MS4A5: variants seen among roughly 807,000 people sequenced by gnomAD.
MS4A5 encodes membrane spanning 4-domains A5.
MS4A5 carries 15 observed loss-of-function variants against 18.2 expected under a neutral mutation model. That is an observed-to-expected ratio of 0.83 (90% CI 0.55 to 1.27). The LOEUF is 1.27. MS4A5 is among the 50% of genes most tolerant of loss of function. MS4A5 has a pLI of 0.00. For missense variants in MS4A5, 232 were observed against 225.7 expected, an observed-to-expected ratio of 1.03 and a Z score of -0.18; for synonymous variants, 89 against 78.7, an observed-to-expected ratio of 1.13 and a Z score of -0.69.
rs528793565 is a variant in MS4A5, at chr11:60,429,609, A to G, written c.-66A>G. On this transcript the variant is annotated 5_prime_UTR_variant, in exon 1 of 5. Coordinates refer to ENST00000300190, the MANE Select transcript of MS4A5 (RefSeq NM_023945.3). ...TGCTCCAGGCAGCCTCAGCACAAGA[A>G]AAGAACATGGTCTAGACTGAAGTAC... 1.3e-6 allele frequency: 2 copies of G among 1,493,868 alleles called. No individual in the cohort carries two copies. Among genetic ancestry groups the G allele is most frequent in the Admixed American group, 2.2e-5 (1 of 45,954 alleles). The allele number at this position is 1,493,868 out of a possible 1,614,324, so 92.5% of individuals were successfully genotyped here.
At chr11:60,446,626 G>A (rs751805780) in intron 4 of MS4A5, among the ~76,000 whole-genome samples, 3 of 151,934 alleles carry the variant, frequency 2.0e-5, no homozygotes, top group East Asian at 3.9e-4. Context: ...CCAGCTACTC[G>A]GGAGGCTGAG....
intron 2 of MS4A5, 41 bp from the exon 3 acceptor site, chr11:60,432,370 C>T: frequency 1.5e-6 from 2 of 1,350,640 alleles, no homozygotes; most frequent in Non-Finnish European, 2.1e-6. Flanking sequence ...TCAACATCAG[C>T]TAAACATGGT....
chr11:60,435,295 C>A (rs148736219), intron 4 of MS4A5: 5 of 413,766 alleles, frequency 1.2e-5, no homozygotes, highest in East Asian at 1.5e-4. Flanking sequence ...TAAGACAATG[C>A]GAATAACAAC....
At chr11:60,434,362 T>G (rs768472433) in intron 4 of MS4A5, among the ~76,000 whole-genome samples, 1 of 152,076 alleles carries the variant, frequency 6.6e-6, no homozygotes, top group African/African-American at 2.4e-5. Context: ...CTAAGATTAG[T>G]GTAAAAGAAT....
chr11:60,441,798 C>G (rs748894051), intron 4 of MS4A5, among the ~76,000 whole-genome samples: 1 of 151,550 alleles, frequency 6.6e-6, no homozygotes, highest in African/African-American at 2.4e-5. Context: ...GTTTAAAAAA[C>G]AAAACACAAC....
At chr11:60,435,133 G>A (rs2086071502) in intron 4 of MS4A5, among the ~76,000 whole-genome samples, 1 of 152,172 alleles carries the variant, frequency 6.6e-6, no homozygotes, top group Non-Finnish European at 1.5e-5. Context: ...TGTTTTACCT[G>A]AATTTGGTCT....
intron 4 of MS4A5, among the ~76,000 whole-genome samples, chr11:60,443,254 C>A (rs966063942): frequency 6.6e-6 from 1 of 151,978 alleles, no homozygotes; most frequent in South Asian, 2.1e-4. Context: ...AGCCTACAAG[C>A]CTCAACAAAA....
intron 4 of MS4A5, among the ~76,000 whole-genome samples, chr11:60,434,356 G>C (rs965485522): frequency 6.6e-6 from 1 of 152,140 alleles, no homozygotes; most frequent in Non-Finnish European, 1.5e-5. Flanking sequence ...ATACCACTAA[G>C]ATTAGTGTAA....
intron 2 of MS4A5, 121 bp downstream of exon 2, chr11:60,431,045 C>A (rs940839136): frequency 2.8e-6 from 3 of 1,068,062 alleles, no homozygotes; most frequent in Non-Finnish European, 1.3e-6. Context: ...AAAAAACTAA[C>A]CTTGTTGAAA....
chr11:60,443,189 CTG>C (rs1399444423), intron 4 of MS4A5, among the ~76,000 whole-genome samples: 1 of 152,080 alleles, frequency 6.6e-6, no homozygotes, highest in Non-Finnish European at 1.5e-5. Flanking sequence ...ATAAAAACAA[CTG>C]AAAAAATTGA....
rs919000128 is a variant in MS4A5, at chr11:60,435,746, C to T, written c.492+1829C>T. On this transcript the variant is annotated intron_variant, in intron 4 of 4. Transcript: ENST00000300190. ...GACGGGCTTAAAAAACGGCGCACCA[C>T]GAGATTATATCCCGCACCTGGCTCG... 5.2e-3 allele frequency among the ~76,000 whole-genome samples: 796 copies of T among 152,216 alleles called. 7 individuals are homozygous for T. The highest frequency in any genetic ancestry group is 0.018 in the African/African-American group (765 of 41,546).
In MS4A5 at chr11:60,437,010, G is replaced by T. The variant is rs2086084082; in HGVS notation, c.492+3093G>T. Among the ~76,000 whole-genome samples, 2 of 135,698 alleles carry T rather than the reference G, an allele frequency of 1.5e-5. 1 individual carries two copies. The highest frequency in any genetic ancestry group is 5.2e-5 in the African/African-American group (2 of 38,628). The allele number at this position is 135,698 out of a possible 152,430, so 89.0% of individuals were successfully genotyped here. A position where few individuals can be genotyped will look rare whatever the true frequency, so the allele number is the denominator to read the frequency against. On this transcript the variant is annotated intron_variant, in intron 4 of 4. Transcript: ENST00000300190. ...TGGAAATGAAGGAAAAAATGTTAAG[G>T]GCAGCCAGAGAGAAAGGTTGGGTAA...
intron 4 of MS4A5, among the ~76,000 whole-genome samples, chr11:60,444,082 G>C (rs1024987561): frequency 6.6e-6 from 1 of 152,158 alleles, no homozygotes; most frequent in South Asian, 2.1e-4. Flanking sequence ...AATACTTTCA[G>C]TTCACTTCCC....
intron 4 of MS4A5, among the ~76,000 whole-genome samples, chr11:60,447,442 A>C (rs376990875): frequency 1.3e-5 from 2 of 152,318 alleles, no homozygotes; most frequent in South Asian, 2.1e-4. Context: ...ATGCTATGCT[A>C]TCCTATTCTA....
At chr11:60,434,054 A>G (rs17542525) in intron 4 of MS4A5, 137 bp downstream of exon 4, 53,824 of 789,220 alleles carry the variant, frequency 0.068, 2,347 homozygotes, top group South Asian at 0.15. Flanking sequence ...GAAATCCATA[A>G]TATTTGATAG....
At chr11:60,432,094 C>A (rs2086051323) in intron 2 of MS4A5, among the ~76,000 whole-genome samples, 2 of 152,092 alleles carry the variant, frequency 1.3e-5, no homozygotes, top group South Asian at 2.1e-4. Flanking sequence ...GACTTGAAAT[C>A]CCTTTGTCAT....
chr11:60,430,831 T>C lies in MS4A5; in HGVS notation c.189T>C (p.Ser63=). 1 of 1,613,496 alleles carries C rather than the reference T, an allele frequency of 6.2e-7. No individual in the cohort carries two copies. The highest frequency in any genetic ancestry group is 1.3e-5 in the African/African-American group (1 of 75,012). ...IQILFGIMTF[S]FGVIFLFTLL... is the part of the protein sequence containing the mutation. ...TCCTGTTTGGAATTATGACCTTTTC[T>C]TTTGGAGTTATCTTCCTTTTCACCT... The change falls in exon 2 of 5, where the codon TCT becomes TCC. Residue 63 remains serine, a synonymous_variant. Transcript: ENST00000300190.
chr11:60,447,701 T>C lies in MS4A5; in HGVS notation c.545T>C (p.Leu182Pro), dbSNP rs1377356861. The change falls in exon 5 of 5, where the codon CTG becomes CCG. Residue 182 changes from leucine (L) to proline (P), a missense_variant. Physicochemically the swap from Leu to Pro is moderately conservative, Grantham distance 98. Coordinates refer to ENST00000300190, the MANE Select transcript of MS4A5 (RefSeq NM_023945.3). ...AGCATTATTGAATTATTCATTTCTC[T>C]GCCTTTCTCAATTTTGGGGTGCCAC... ...TFSIIELFISLPFSILGCHSE... is the reference protein window; with the variant it reads ...TFSIIELFISPPFSILGCHSE... 1.2e-6 allele frequency: 2 copies of C among 1,600,794 alleles called. No homozygotes were observed. Among genetic ancestry groups the C allele is most frequent in the African/African-American group, 2.7e-5 (2 of 74,088 alleles).
chr11:60,435,187 T>C (rs2135173153), intron 4 of MS4A5, among the ~76,000 whole-genome samples: 1 of 152,248 alleles, frequency 6.6e-6, no homozygotes, highest in Non-Finnish European at 1.5e-5. Flanking sequence ...AAAACCGAAG[T>C]CTATCTAGGA....
Sources: gnomAD v4.1 joint callset for allele counts (sites outside exome capture counted in the v4.1 genomes callset) on GRCh38, gnomAD v4.1.1 for gene constraint, MANE v1.5 for transcripts, NCBI Gene and HGNC (gene_info 2026-07-23, HGNC 2026-07-21) for gene names.